Variants in MGA observed in about 807,000 individuals in gnomAD.
MGA encodes MAX gene-associated protein.
A neutral mutation model predicts 261.1 loss-of-function variants in MGA; 40 were observed. The observed-to-expected ratio is 0.15, with a 90% CI of 0.12 to 0.20. The LOEUF (loss-of-function observed/expected upper bound fraction) is 0.20, where lower values mean the gene tolerates loss of function less well. MGA is among the 10% of genes least tolerant of loss of function. The pLI is 1.00. For synonymous variants in MGA, 1,302 were observed against 1,290.6 expected (o/e 1.01, Z -0.19); for missense variants, 3,397 against 3,630.5 (o/e 0.94, Z 1.65).
At chr15:41,659,380 T>A (rs1318083836), upstream of MGA, among the ~76,000 whole-genome samples, 3 of 152,200 alleles carry the variant, frequency 2.0e-5, no homozygotes, top group Admixed American at 1.3e-4. Flanking sequence ...TCACATAGCA[T>A]GTCACGTAGT....
In MGA at chr15:41,753,795, T is replaced by A. The variant is rs369606836; in HGVS notation, c.7009-642T>A. Among the ~76,000 whole-genome samples, 143 of 152,362 alleles carry A rather than the reference T, an allele frequency of 9.4e-4. 1 individual carries two copies. The highest frequency in any genetic ancestry group is 3.3e-3 in the African/African-American group (138 of 41,576). On this transcript the variant is annotated intron_variant, in intron 17 of 23. Coordinates refer to ENST00000219905, the MANE Select transcript of MGA (RefSeq NM_001164273.2). ...CACCAAATTTTATTTTACTGTTATT[T>A]AATCTTAAGATTTATGAAACCTTAA...
intron 9 of MGA, among the ~76,000 whole-genome samples, chr15:41,713,866 C>T (rs1217526984): frequency 1.3e-5 from 2 of 152,022 alleles, no homozygotes; most frequent in South Asian, 4.1e-4. Context: ...TATAATGCAT[C>T]ATGTTTTCTA....
chr15:41,734,638 A>G, intron 12 of MGA, 44 bp downstream of exon 12: 1 of 1,408,494 alleles, frequency 7.1e-7, no homozygotes, highest in Non-Finnish European at 9.8e-7. Flanking sequence ...AAAATTATTT[A>G]GGTCTAGATT....
intron 2 of MGA, among the ~76,000 whole-genome samples, chr15:41,694,475 A>T (rs75723933): frequency 2.0e-5 from 3 of 151,746 alleles, no homozygotes; most frequent in African/African-American, 7.3e-5. Context: ...GAAATTTTAA[A>T]TTTTTTGTTT....
intron 1 of MGA, 61 bp from the exon 2 acceptor site, chr15:41,668,763 GAAAT>G (rs2057901547): frequency 7.1e-6 from 4 of 565,630 alleles, no homozygotes; most frequent in Admixed American, 3.4e-5. Context: ...TTTTGTTCAA[GAAAT>G]AAATACTCAC....
At chr15:41,702,271 C>G (rs576979101) in intron 5 of MGA, among the ~76,000 whole-genome samples, 1 of 150,804 alleles carries the variant, frequency 6.6e-6, no homozygotes, top group Non-Finnish European at 1.5e-5. Context: ...TGCAGTGAGC[C>G]GAGATCGCGC....
At chr15:41,623,624 A>G (rs2140902376) in intron 1 of MGA, among the ~76,000 whole-genome samples, 1 of 151,778 alleles carries the variant, frequency 6.6e-6, no homozygotes, top group East Asian at 1.9e-4. Flanking sequence ...CATGCCTGTA[A>G]TCATAGCCAC....
chr15:41,713,520 A>G (rs1262930502), intron 9 of MGA, 24 bp downstream of exon 9: 2 of 1,503,246 alleles, frequency 1.3e-6, no homozygotes, highest in African/African-American at 2.8e-5. Flanking sequence ...GAGAGTTAAA[A>G]CTGTGCCATA....
chr15:41,718,041 A>G (rs545327904), intron 9 of MGA, among the ~76,000 whole-genome samples: 15 of 151,654 alleles, frequency 9.9e-5, no homozygotes, highest in Middle Eastern at 3.4e-3. Context: ...TTAATGTTCT[A>G]AATTATGGTG....
intron 2 of MGA, among the ~76,000 whole-genome samples, chr15:41,677,724 A>G (rs2058460434): frequency 6.6e-6 from 1 of 152,170 alleles, no homozygotes; most frequent in Admixed American, 6.5e-5. Context: ...ACATTTATTT[A>G]CCATTTGTAT....
intron 9 of MGA, among the ~76,000 whole-genome samples, chr15:41,720,491 T>C (rs1048701979): frequency 6.6e-6 from 1 of 152,000 alleles, no homozygotes; most frequent in African/African-American, 2.4e-5. Flanking sequence ...GCCGTGATAG[T>C]GCCACTGCAC....
chr15:41,765,812 T>C (rs1016718048), intron 23 of MGA, among the ~76,000 whole-genome samples, 192 bp from the exon 24 acceptor site: 6 of 152,206 alleles, frequency 3.9e-5, no homozygotes, highest in Non-Finnish European at 8.8e-5. Flanking sequence ...GGTTGGATTT[T>C]AGTTGAGATT....
At position 41,767,222 on chromosome 15, in the gene MGA, C is replaced by T. The variant is rs759394563; in HGVS notation, c.9140C>T (p.Ala3047Val). The T allele has an allele frequency of 1.5e-5, 24 of 1,613,820 alleles. No individual in the cohort carries two copies. The Middle Eastern group carries it at 4.9e-4, about 33-fold the overall frequency. ...GAAAGCAAGGTGATGCCTACATTGG[C>T]ACCTGTTGTGGCTAAATTGGGCAAC... The change falls in exon 24 of 24, where the codon GCA (alanine) becomes GTA (valine). Residue 3047 changes from alanine to valine, a missense_variant. This residue lies in a region of MGA where 647 missense variants were observed against 642.4 expected (regional missense o/e 1.01). Transcript: ENST00000219905.
At position 41,764,971 on chromosome 15, in the gene MGA, C is replaced by T; in HGVS notation, c.7830C>T (p.Pro2610=). ...GGCAATTGCTCACCCTAAAAGGTCC[C>T]CTATTCTCAGGACCAGTGGTAGCTG... The change falls in exon 23 of 24, where the codon CCC becomes CCT. Residue 2610 remains proline (P), a synonymous_variant. Transcript: ENST00000219905. The T allele has an allele frequency of 1.9e-6, 3 of 1,614,056 alleles. No individual in the cohort carries two copies. The highest frequency in any genetic ancestry group is 2.2e-5 in the East Asian group (1 of 44,888).
chr15:41,672,891 C>T (rs896152502), intron 2 of MGA, among the ~76,000 whole-genome samples: 8 of 150,756 alleles, frequency 5.3e-5, no homozygotes, highest in Non-Finnish European at 1.2e-4. Flanking sequence ...CACACACACA[C>T]TATTTTCCCA....
intron 2 of MGA, among the ~76,000 whole-genome samples, chr15:41,693,812 T>C (rs2059411655): frequency 6.6e-6 from 1 of 152,176 alleles, no homozygotes; most frequent in African/African-American, 2.4e-5. Context: ...GAAATGCTTT[T>C]GGACAGGCAA....
intron 1 of MGA, among the ~76,000 whole-genome samples, chr15:41,664,683 G>T (rs1157165721): frequency 6.6e-6 from 1 of 152,060 alleles, no homozygotes; most frequent in Non-Finnish European, 1.5e-5. Context: ...ATAAAACCTT[G>T]AAGTTTATGA....
Position 41,669,482 on chromosome 15 carries a change from T to C in MGA, c.588T>C (p.Ser196=). The C allele has an allele frequency of 1.2e-6, 2 of 1,614,022 alleles. No individual in the cohort carries two copies. Among genetic ancestry groups the C allele is most frequent in the Non-Finnish European group, 8.5e-7 (1 of 1,179,886 alleles). Residue 196 remains serine (S), a synonymous_variant, in exon 2 of 24, where the codon TCT becomes TCC. Coordinates refer to ENST00000219905, the MANE Select transcript of MGA (RefSeq NM_001164273.2). ...AAGAAGGGCATATCATCTTGCACTC[T>C]ATGCATCGTTACCTGCCGAGGCTTC... is the stretch of plus-strand genomic sequence containing the variant.
At chr15:41,700,063 T>C (rs2059758040) in intron 5 of MGA, among the ~76,000 whole-genome samples, 1 of 147,982 alleles carries the variant, frequency 6.8e-6, no homozygotes. Context: ...TTTTTTTTTT[T>C]TGATGCGCAG....
Sources: allele counts gnomAD v4.1 joint callset (sites outside exome capture counted in the v4.1 genomes callset), GRCh38; gene constraint gnomAD v4.1.1; regional missense constraint gnomAD v4.1.1; transcripts MANE v1.5; gene names NCBI Gene and HGNC (gene_info 2026-07-23, HGNC 2026-07-21).